THAP5: variants seen among roughly 807,000 people sequenced by gnomAD.
The protein encoded by THAP5 is THAP domain-containing protein 5.
THAP5 carries 26 observed loss-of-function variants against 34.0 expected under a neutral mutation model. That is an observed-to-expected ratio of 0.77 (90% CI 0.56 to 1.06). The LOEUF is 1.06. THAP5 is among the 50% of genes least tolerant of loss of function. THAP5 has a pLI of 0.00. For synonymous variants in THAP5, 125 were observed against 153.0 expected, an observed-to-expected ratio of 0.82 and a Z score of 1.35; for missense variants, 394 against 452.8, an observed-to-expected ratio of 0.87 and a Z score of 1.18.
chr7:108,551,038 G>A (rs1028299331), downstream of THAP5, among the ~76,000 whole-genome samples: 9 of 152,074 alleles, frequency 5.9e-5, no homozygotes, highest in Admixed American at 3.3e-4. Flanking sequence ...AGCTCTTTAC[G>A]TTTTTATAAT....
intron 2 of THAP5, 64 bp downstream of exon 2, chr7:108,565,766 G>C: frequency 7.6e-7 from 1 of 1,309,656 alleles, no homozygotes; most frequent in African/African-American, 1.5e-5. Context: ...TCTCCCACCT[G>C]ATCACCTGCC....
chr7:108,555,325 C>T (rs1864378589), intron 1 of THAP5, among the ~76,000 whole-genome samples: 1 of 151,986 alleles, frequency 6.6e-6, no homozygotes, highest in African/African-American at 2.4e-5. Flanking sequence ...CCACCATGCC[C>T]AGTTAATTTT....
At chr7:108,542,177 T>G in the THAP5 span, among the ~76,000 whole-genome samples, 2 of 152,324 alleles carry the variant, frequency 1.3e-5, no homozygotes, top group East Asian at 1.9e-4. Context: ...TCTATATCTA[T>G]ATCTAGATTT....
rs1268680065 is a variant in THAP5, at chr7:108,569,487, T to TA, written c.80+2dup. ...TGACGCTTCTGCTCCAGAAACAACTTACGGATAAAAACTCAGCTTCCGGTC... is the reference window on the plus strand; with the variant it reads ...TGACGCTTCTGCTCCAGAAACAACTTAACGGATAAAAACTCAGCTTCCGGTC... On this transcript the variant is annotated splice_region_variant and intron_variant, in intron 1 of 2. Coordinates refer to ENST00000415914, the MANE Select transcript of THAP5 (RefSeq NM_001130475.3). The TA allele has an allele frequency of 3.2e-6, 5 of 1,551,612 alleles. No individual in the cohort carries two copies. Among genetic ancestry groups the TA allele is most frequent in the Non-Finnish European group, 4.4e-6 (5 of 1,147,006 alleles).
In THAP5 at chr7:108,563,767, A is replaced by C. The variant is rs1044507806; in HGVS notation, c.*424T>G. ...AATTATCTTAATAAAAAGGGAAGGG[A>C]CTATAAATAACCAATTACAAATCCA... On this transcript the variant is annotated 3_prime_UTR_variant, in exon 3 of 3. Coordinates refer to ENST00000415914, the MANE Select transcript of THAP5 (RefSeq NM_001130475.3). The C allele has an allele frequency of 6.5e-6, 1 of 154,466 alleles. No homozygotes were observed. The highest frequency in any genetic ancestry group is 2.4e-5 in the African/African-American group (1 of 41,484). 9.6% of individuals were successfully genotyped at this position (154,466 alleles called of 1,614,324 possible). A position where few individuals can be genotyped will look rare whatever the true frequency, so the allele number is the denominator to read the frequency against.
intron 1 of THAP5, among the ~76,000 whole-genome samples, chr7:108,567,495 A>G (rs1164954547): frequency 6.6e-6 from 1 of 152,196 alleles, no homozygotes; most frequent in Non-Finnish European, 1.5e-5. Flanking sequence ...AACTTTGTGA[A>G]TATCCTTATT....
Position 108,569,647 on chromosome 7 carries a change from T to A in THAP5, c.-78A>T. 6.6e-7 allele frequency: 1 copy of A among 1,519,000 alleles called. No individual in the cohort carries two copies. Among genetic ancestry groups the A allele is most frequent in the South Asian group, 1.2e-5 (1 of 83,474 alleles). 94.1% of individuals were successfully genotyped at this position (1,519,000 alleles called of 1,614,324 possible). ...CTCCTCACTGAGGATGCGCCACAGG[T>A]CCAGGCCTCTCGAGCCCCTGCGCCT... On this transcript the variant is annotated 5_prime_UTR_variant, in exon 1 of 3. Transcript: ENST00000415914.
the THAP5 span, among the ~76,000 whole-genome samples, chr7:108,547,537 A>G: frequency 6.6e-6 from 1 of 152,250 alleles, no homozygotes; most frequent in Admixed American, 6.5e-5. Context: ...CCAGCGATCC[A>G]AAAGAATACT....
Position 108,562,548 on chromosome 7 carries a change from ACCT to A in THAP5, c.*1640_*1642del, listed in dbSNP as rs1254055261. On this transcript the variant is annotated 3_prime_UTR_variant, in exon 3 of 3. Transcript: ENST00000415914. ...CAGTCAGAGTCAACTTTTATTGAGCACCTCCTATATTCCAGAACCAAAAACATG... is the reference window on the plus strand; with the variant it reads ...CAGTCAGAGTCAACTTTTATTGAGCACCTATATTCCAGAACCAAAAACATG... 2.0e-5 allele frequency: 3 copies of A among 152,158 alleles called. No individual in the cohort carries two copies. Among genetic ancestry groups the A allele is most frequent in the Non-Finnish European group, 4.4e-5 (3 of 68,008 alleles). 9.4% of individuals were successfully genotyped at this position (152,158 alleles called of 1,614,324 possible). A position where few individuals can be genotyped will look rare whatever the true frequency, so the allele number is the denominator to read the frequency against.
Position 108,564,329 on chromosome 7 carries a change from T to G in THAP5, c.1050A>C (p.Leu350Phe). The change falls in exon 3 of 3, where the codon TTA (leucine) becomes TTC (phenylalanine). Residue 350 changes from leucine to phenylalanine, a missense_variant. Physicochemically the swap from Leu to Phe is conservative, Grantham distance 22 (BLOSUM62 0). Transcript: ENST00000415914. ...KLHSKITLLE[L>F]KEQQTLGRLK... ...ATCTACCTAGAGTTTGTTGCTCTTT[T>G]AACTCTAGAAGAGTTATCTTTGAAT... 6.2e-7 allele frequency: 1 copy of G among 1,613,920 alleles called. No individual in the cohort carries two copies. The highest frequency in any genetic ancestry group is 8.5e-7 in the Non-Finnish European group (1 of 1,179,898).
Position 108,564,603 on chromosome 7 carries a change from T to A in THAP5, c.776A>T (p.Gln259Leu). 2 of 1,613,908 alleles carry A rather than the reference T, an allele frequency of 1.2e-6. No homozygotes were observed. The highest frequency in any genetic ancestry group is 1.7e-6 in the Non-Finnish European group (2 of 1,179,878). The change falls in exon 3 of 3, where the codon CAA (glutamine) becomes CTA (leucine). Residue 259 changes from glutamine (Q) to leucine (L), a missense_variant. Gln to Leu is a moderately radical substitution (Grantham distance 113). Transcript: ENST00000415914. ...ENPFLFSTIN[Q>L]TVEELNTNKE... is the part of the protein sequence containing the mutation. ...ATTTGTGTTTAATTCTTCAACTGTT[T>A]GATTAATTGTGCTGAATAAGAATGG...
the THAP5 span, among the ~76,000 whole-genome samples, chr7:108,549,230 T>C: frequency 1.3e-5 from 2 of 152,080 alleles, no homozygotes; most frequent in Admixed American, 1.3e-4. Flanking sequence ...CAAGTGATTT[T>C]CCTGCCTCAG....
intron 1 of THAP5, among the ~76,000 whole-genome samples, chr7:108,555,702 CT>C (rs11344007): frequency 0.28 from 36,189 of 128,644 alleles, 4,527 homozygotes; most frequent in Non-Finnish European, 0.32. Flanking sequence ...GCACCTTTTT[CT>C]TTTTTTTTTT....
At chr7:108,547,096 A>G in the THAP5 span, among the ~76,000 whole-genome samples, 1 of 152,254 alleles carries the variant, frequency 6.6e-6, no homozygotes, top group East Asian at 1.9e-4. Flanking sequence ...AATGTTCCAA[A>G]AAAGGAATAG....
chr7:108,564,424 G>C lies in THAP5; in HGVS notation c.955C>G (p.Gln319Glu). The C allele has an allele frequency of 6.2e-7, 1 of 1,613,868 alleles. No individual in the cohort carries two copies. The highest frequency in any genetic ancestry group is 8.5e-7 in the Non-Finnish European group (1 of 1,179,896). Residue 319 changes from glutamine to glutamate, a missense_variant, in exon 3 of 3, where the codon CAA becomes GAA. Coordinates refer to ENST00000415914, the MANE Select transcript of THAP5 (RefSeq NM_001130475.3). ...KDVDYGTEVL[Q>E]IEHSYCRQDI... ...TGTCTGCAGTAAGAATGTTCGATTT[G>C]TAAAACTTCTGTCCCATAGTCTACA...
chr7:108,560,200 C>T (rs2154517970), downstream of THAP5, among the ~76,000 whole-genome samples: 1 of 152,306 alleles, frequency 6.6e-6, no homozygotes, highest in South Asian at 2.1e-4. Context: ...AAGCTCAAGG[C>T]AAGGCATGAA....
At chr7:108,567,056 T>G (rs1790501820) in intron 1 of THAP5, among the ~76,000 whole-genome samples, 1 of 152,166 alleles carries the variant, frequency 6.6e-6, no homozygotes, top group African/African-American at 2.4e-5. Context: ...TAGCTTATGT[T>G]TTGTAGTAGC....
chr7:108,549,064 A>G, the THAP5 span, among the ~76,000 whole-genome samples: 1,168 of 150,866 alleles, frequency 7.7e-3, 8 homozygotes, highest in African/African-American at 0.027. Flanking sequence ...GTATTTACCT[A>G]TATTTCTCAA....
chr7:108,565,227 G>T, intron 2 of THAP5, 122 bp from the exon 3 acceptor site: 1 of 765,494 alleles, frequency 1.3e-6, no homozygotes, highest in Non-Finnish European at 2.0e-6. Flanking sequence ...TTAAAAAAAA[G>T]CTCAGAGTAT....
Sources: allele counts gnomAD v4.1 joint callset (sites outside exome capture counted in the v4.1 genomes callset), GRCh38; gene constraint gnomAD v4.1.1; transcripts MANE v1.5; gene names NCBI Gene and HGNC (gene_info 2026-07-23, HGNC 2026-07-21).